Variants in PDE4D observed in about 807,000 individuals in gnomAD.
PDE4D encodes 3',5'-cyclic-AMP phosphodiesterase 4D.
Under a neutral mutation model 87.4 loss-of-function variants are expected in PDE4D, and 24 were observed. That is an observed-to-expected ratio of 0.27 (90% confidence interval 0.20 to 0.39). PDE4D has a LOEUF of 0.39. Ranked by LOEUF, PDE4D falls within the 10% of genes least tolerant of loss-of-function variation. The probability of loss-of-function intolerance (pLI) is 1.00; values close to 1 mark genes in which losing one functional copy is unlikely to be tolerated. For missense variants in PDE4D, 714 were observed against 1,041.0 expected, an observed-to-expected ratio of 0.69 and a Z score of 4.32; for synonymous variants, 384 against 383.2, an observed-to-expected ratio of 1.00 and a Z score of -0.02.
At chr5:60,055,445 C>T (rs1373242115) in intron 2 of PDE4D, among the ~76,000 whole-genome samples, 3 of 152,092 alleles carry the variant, frequency 2.0e-5, no homozygotes, top group East Asian at 3.9e-4. Flanking sequence ...TTGTTTAGAA[C>T]AATTGAGCCC....
intron 1 of PDE4D, among the ~76,000 whole-genome samples, chr5:59,312,212 C>T (rs1000337968): frequency 6.6e-6 from 1 of 152,194 alleles, no homozygotes; most frequent in African/African-American, 2.4e-5. Context: ...TCTCAGATGA[C>T]CCCAAAAGGC....
At chr5:59,590,482 G>T (rs1825767949) in intron 1 of PDE4D, among the ~76,000 whole-genome samples, 2 of 152,080 alleles carry the variant, frequency 1.3e-5, no homozygotes, top group South Asian at 4.1e-4. Flanking sequence ...TTCAAGACCA[G>T]GCTGGGAAAC....
At chr5:59,447,755 G>A (rs114717914) in intron 1 of PDE4D, among the ~76,000 whole-genome samples, 1,710 of 152,292 alleles carry the variant, frequency 0.011, 41 homozygotes, top group African/African-American at 0.038. Flanking sequence ...ATTGTGCCAG[G>A]ATTATACTTC....
intron 2 of PDE4D, among the ~76,000 whole-genome samples, chr5:60,079,194 G>A (rs569793940): frequency 6.6e-6 from 1 of 152,276 alleles, no homozygotes; most frequent in South Asian, 2.1e-4. Context: ...CTTTTGAGAA[G>A]TGTCTGTTCA....
chr5:59,077,872 A>G (rs1017464486), intron 5 of PDE4D, among the ~76,000 whole-genome samples: 2 of 152,188 alleles, frequency 1.3e-5, no homozygotes, highest in African/African-American at 4.8e-5. Context: ...AACAAAGACA[A>G]AAACCATTTT....
chr5:60,355,201 C>T (rs1018504925), intron 1 of PDE4D, among the ~76,000 whole-genome samples: 2 of 152,188 alleles, frequency 1.3e-5, no homozygotes, highest in African/African-American at 4.8e-5. Context: ...GTGTAATAGT[C>T]AGGAGACCAA....
intron 1 of PDE4D, among the ~76,000 whole-genome samples, chr5:60,282,208 C>CATATATATATAT (rs140298004): frequency 0.011 from 1,423 of 128,180 alleles, 24 homozygotes; most frequent in East Asian, 0.024. Context: ...GAGAAATAAA[C>CATATATATATAT]ATATATATAT....
chr5:59,745,296 G>A (rs767054756), intron 1 of PDE4D, among the ~76,000 whole-genome samples: 19 of 152,136 alleles, frequency 1.2e-4, no homozygotes, highest in Non-Finnish European at 7.4e-5. Flanking sequence ...GGTGATGCTA[G>A]TTATAATTCT....
At chr5:59,300,161 C>A (rs1470172674) in intron 1 of PDE4D, among the ~76,000 whole-genome samples, 2 of 138,962 alleles carry the variant, frequency 1.4e-5, no homozygotes, top group African/African-American at 5.4e-5. Flanking sequence ...ACGTGAATCA[C>A]ATGCTTATTA....
At chr5:60,404,441 G>A (rs569109836) in intron 1 of PDE4D, among the ~76,000 whole-genome samples, 3 of 152,172 alleles carry the variant, frequency 2.0e-5, no homozygotes, top group Admixed American at 1.3e-4. Flanking sequence ...ATGTCAGGTC[G>A]CTGAATACAA....
intron 5 of PDE4D, chr5:59,157,061 C>T: frequency 2.9e-6 from 1 of 342,392 alleles, no homozygotes; most frequent in Non-Finnish European, 5.2e-6. Context: ...TTGTTTTTTC[C>T]CGTAAGGTCA....
At chr5:59,356,857 G>A (rs776767943) in intron 1 of PDE4D, 10 of 1,537,408 alleles carry the variant, frequency 6.5e-6, no homozygotes, top group Middle Eastern at 1.7e-4. Context: ...TTTTAAGGAC[G>A]ATGCCAAGAT....
At chr5:60,170,349 G>T (rs758902968) in intron 2 of PDE4D, among the ~76,000 whole-genome samples, 8 of 151,906 alleles carry the variant, frequency 5.3e-5, no homozygotes, top group Non-Finnish European at 8.8e-5. Context: ...TTTCACTATA[G>T]ATCTACATAA....
intron 6 of PDE4D, among the ~76,000 whole-genome samples, chr5:59,021,164 G>T (rs934552420): frequency 2.0e-5 from 3 of 152,184 alleles, no homozygotes; most frequent in African/African-American, 7.2e-5. Context: ...TAGACACAGT[G>T]AAGTGAAGAC....
chr5:59,350,328 T>C (rs185090887), intron 1 of PDE4D, among the ~76,000 whole-genome samples: 3 of 152,194 alleles, frequency 2.0e-5, no homozygotes, highest in African/African-American at 7.2e-5. Flanking sequence ...GGTGGGACAT[T>C]GGAACAAAGA....
intron 2 of PDE4D, among the ~76,000 whole-genome samples, chr5:60,063,095 GAAGAAAGAAAGAAAGA>G (rs34450673): frequency 0.019 from 1,888 of 97,236 alleles, 25 homozygotes; most frequent in African/African-American, 0.035. Context: ...AAGAAAGAAA[GAAGAAAGAAAGAAAGA>G]AAGAAAGAAA....
At chr5:59,166,949 C>T (rs2042529072) in intron 5 of PDE4D, among the ~76,000 whole-genome samples, 1 of 152,118 alleles carries the variant, frequency 6.6e-6, no homozygotes, top group African/African-American at 2.4e-5. Flanking sequence ...TGAGGATCAA[C>T]AGTAATTGAA....
At chr5:59,343,418 T>C (rs1310611031) in intron 1 of PDE4D, among the ~76,000 whole-genome samples, 2 of 152,124 alleles carry the variant, frequency 1.3e-5, no homozygotes, top group South Asian at 2.1e-4. Flanking sequence ...ATCATATACA[T>C]CTCTCCTTTT....
intron 1 of PDE4D, among the ~76,000 whole-genome samples, chr5:60,456,775 C>T (rs27222): frequency 0.44 from 66,778 of 151,946 alleles, 15,988 homozygotes; most frequent in African/African-American, 0.63. Flanking sequence ...GTGAGCCTCC[C>T]CTCTTGTTCT....
Sources: allele counts gnomAD v4.1 joint callset (sites outside exome capture counted in the v4.1 genomes callset), GRCh38; gene constraint gnomAD v4.1.1; transcripts MANE v1.5; gene names NCBI Gene and HGNC (gene_info 2026-07-23, HGNC 2026-07-21).